The following BBS9 variants were observed in gnomAD, a reference collection of about 807,000 sequenced individuals.
BBS9 encodes Bardet-Biedl syndrome 9, also known as protein PTHB1.
In BBS9, 89 loss-of-function variants were observed where a neutral mutation model predicts 117.7. The ratio of observed to expected loss-of-function variants is 0.76; its 90% CI spans 0.64 to 0.90. The LOEUF (loss-of-function observed/expected upper bound fraction) is 0.90, where lower values mean the gene tolerates loss of function less well. Ranked by LOEUF, BBS9 falls within the 40% of genes least tolerant of loss-of-function variation. BBS9 has a pLI of 0.00. For missense variants in BBS9, 982 were observed against 1,042.2 expected (o/e 0.94, Z 0.80); for synonymous variants, 379 against 370.9 (o/e 1.02, Z -0.25).
At chr7:33,604,216 T>C (rs570993049) in intron 21 of BBS9, among the ~76,000 whole-genome samples, 1 of 152,286 alleles carries the variant, frequency 6.6e-6, no homozygotes, top group Non-Finnish European at 1.5e-5. Flanking sequence ...CCATACAAGA[T>C]TTTGGTGGAT....
chr7:33,253,792 T>G (rs1015000350), intron 5 of BBS9, among the ~76,000 whole-genome samples: 1 of 152,138 alleles, frequency 6.6e-6, no homozygotes, highest in Admixed American at 6.5e-5. Context: ...AGTTGGTCCA[T>G]GTAAGGGCAT....
intron 21 of BBS9, among the ~76,000 whole-genome samples, chr7:33,614,911 G>T (rs1865055319): frequency 6.6e-6 from 1 of 152,068 alleles, no homozygotes; most frequent in African/African-American, 2.4e-5. Flanking sequence ...CTATTTTCCA[G>T]AGCATAAACT....
chr7:33,328,356 C>G (rs1813270404), intron 9 of BBS9, among the ~76,000 whole-genome samples: 1 of 152,328 alleles, frequency 6.6e-6, no homozygotes, highest in African/African-American at 2.4e-5. Context: ...GATTTTTATA[C>G]AGCAAGCCTC....
Position 33,130,013 on chromosome 7 carries a change from G to C in BBS9, c.-40G>C, listed in dbSNP as rs983911642. ...GCCGAACGAGGGTTCGCAGAAAGGT[G>C]GGGCAGAGCTCATCTGACGTGGCAT... On this transcript the variant is annotated 5_prime_UTR_variant, in exon 1 of 23. Coordinates refer to ENST00000242067, the MANE Select transcript of BBS9 (RefSeq NM_198428.3). 1 of 152,196 alleles carries C rather than the reference G, an allele frequency of 6.6e-6. No homozygotes were observed. Among genetic ancestry groups the C allele is most frequent in the Non-Finnish European group, 1.5e-5 (1 of 68,054 alleles). The allele number at this position is 152,196 out of a possible 1,614,324, so 9.4% of individuals were successfully genotyped here. A position where few individuals can be genotyped will look rare whatever the true frequency, so the allele number is the denominator to read the frequency against.
At chr7:33,575,484 A>G (rs190603119) in intron 21 of BBS9, among the ~76,000 whole-genome samples, 2 of 152,216 alleles carry the variant, frequency 1.3e-5, no homozygotes, top group African/African-American at 2.4e-5. Context: ...GAGGTACAGA[A>G]AGGAGCTGTT....
intron 19 of BBS9, among the ~76,000 whole-genome samples, chr7:33,432,848 G>C (rs17170232): frequency 0.088 from 13,388 of 151,762 alleles, 629 homozygotes; most frequent in South Asian, 0.18. Context: ...GCCCTAAAAG[G>C]TTCCCCTACA....
At chr7:33,576,152 A>G in intron 21 of BBS9, among the ~76,000 whole-genome samples, 1 of 152,322 alleles carries the variant, frequency 6.6e-6, no homozygotes, top group East Asian at 1.9e-4. Flanking sequence ...TATATTTAGG[A>G]AACCCTGTCA....
intron 20 of BBS9, among the ~76,000 whole-genome samples, chr7:33,516,245 C>G (rs918541613): frequency 6.6e-6 from 1 of 151,930 alleles, no homozygotes; most frequent in Admixed American, 6.6e-5. Flanking sequence ...AATCCCAGCA[C>G]TTTGGGAGGC....
intron 6 of BBS9, among the ~76,000 whole-genome samples, chr7:33,262,885 A>G (rs1334995303): frequency 1.3e-5 from 2 of 152,038 alleles, no homozygotes; most frequent in Non-Finnish European, 2.9e-5. Flanking sequence ...TTCTCCCCCA[A>G]TTACTTGTTA....
At chr7:33,411,009 G>GTTTTTT (rs1491287081) in intron 19 of BBS9, among the ~76,000 whole-genome samples, 3 of 91,586 alleles carry the variant, frequency 3.3e-5, no homozygotes, top group Non-Finnish European at 4.6e-5. Flanking sequence ...TAAAATGTTG[G>GTTTTTT]TGTTTTTTTT....
chr7:33,271,445 C>T (rs766903537), intron 7 of BBS9, among the ~76,000 whole-genome samples: 1 of 152,158 alleles, frequency 6.6e-6, no homozygotes, highest in African/African-American at 2.4e-5. Flanking sequence ...AAGCAAGACA[C>T]AATTGTATGC....
At chr7:33,188,442 A>G (rs953302501) in intron 5 of BBS9, among the ~76,000 whole-genome samples, 2 of 152,214 alleles carry the variant, frequency 1.3e-5, no homozygotes, top group African/African-American at 4.8e-5. Context: ...AGTAAGGGAC[A>G]ATTATTTTCT....
intron 21 of BBS9, among the ~76,000 whole-genome samples, chr7:33,613,475 A>G (rs1864979151): frequency 6.6e-6 from 1 of 151,948 alleles, no homozygotes; most frequent in Admixed American, 6.6e-5. Context: ...GGTTTTTCAG[A>G]CTGGCTGTAC....
chr7:33,475,287 C>T (rs552062846), intron 19 of BBS9, among the ~76,000 whole-genome samples: 1 of 152,088 alleles, frequency 6.6e-6, no homozygotes, highest in South Asian at 2.1e-4. Context: ...GGTGGTAAGC[C>T]CATGGGCCAT....
Position 33,583,478 on chromosome 7 carries a change from GT to G in BBS9, c.2522-21382del, listed in dbSNP as rs1860356163. Among the ~76,000 whole-genome samples the G allele has an allele frequency of 2.0e-5, 3 of 151,892 alleles. No homozygotes were observed. In the South Asian group the frequency reaches 6.2e-4, roughly 32 times the overall value. On this transcript the variant is annotated intron_variant, in intron 21 of 22. Transcript: ENST00000242067. ...TTGGTTTCTTTAATTTTCACATATA[GT>G]TTTTGTTTGTTTATTTATTTATTGA... is the stretch of plus-strand genomic sequence containing the variant.
At chr7:33,536,579 C>T (rs974087291) in intron 21 of BBS9, among the ~76,000 whole-genome samples, 3 of 147,972 alleles carry the variant, frequency 2.0e-5, no homozygotes, top group Non-Finnish European at 4.5e-5. Context: ...ATCCAAATCT[C>T]CCAGCCCACT....
rs550839768 is a variant in BBS9, at chr7:33,470,726, A to G, written c.2116-34737A>G. 2.0e-5 allele frequency among the ~76,000 whole-genome samples: 3 copies of G among 152,318 alleles called. No individual in the cohort carries two copies. The East Asian group carries it at 5.8e-4, about 29-fold the overall frequency. ...CTCTGGAGGATTTAAAGTCCACTGT[A>G]GAAGAACAATCACACACAAGTTCAC... On this transcript the variant is annotated intron_variant, in intron 19 of 22. Transcript: ENST00000242067.
intron 9 of BBS9, among the ~76,000 whole-genome samples, chr7:33,299,531 T>C (rs1472769842): frequency 1.3e-5 from 2 of 149,430 alleles, no homozygotes; most frequent in African/African-American, 4.9e-5. Flanking sequence ...TCCAAAATAA[T>C]AGTAATATTA....
At chr7:33,527,632 C>A (rs1028085733) in intron 20 of BBS9, among the ~76,000 whole-genome samples, 4 of 152,206 alleles carry the variant, frequency 2.6e-5, no homozygotes, top group African/African-American at 9.6e-5. Context: ...CACCCACTGA[C>A]CTGCGCCCAC....
Sources: gnomAD v4.1 joint callset for allele counts (sites outside exome capture counted in the v4.1 genomes callset) on GRCh38, gnomAD v4.1.1 for gene constraint, MANE v1.5 for transcripts, NCBI Gene and HGNC (gene_info 2026-07-23, HGNC 2026-07-21) for gene names.